EDIL3: variants seen among roughly 807,000 people sequenced by gnomAD.
The protein encoded by EDIL3 is EGF like and discoidin domains 3, also known as EGF-like repeat and discoidin I-like domain-containing protein 3.
In EDIL3, 37 loss-of-function variants were observed where a neutral mutation model predicts 67.4. That is an observed-to-expected ratio of 0.55 (90% confidence interval 0.42 to 0.72). EDIL3 has a LOEUF of 0.72. Among genes scored for constraint, EDIL3 ranks in the 30% least tolerant of loss-of-function variants. The pLI is 0.00. For missense variants in EDIL3, 527 were observed against 586.3 expected (o/e 0.90, Z 1.04); for synonymous variants, 195 against 196.3 (o/e 0.99, Z 0.05).
At chr5:84,335,987 C>G (rs548991265) in intron 1 of EDIL3, among the ~76,000 whole-genome samples, 8 of 152,210 alleles carry the variant, frequency 5.3e-5, no homozygotes, top group Non-Finnish European at 1.2e-4. Context: ...CCTCACACCT[C>G]TTTCACAAGA....
chr5:84,078,392 A>T (rs1746902871), intron 6 of EDIL3, among the ~76,000 whole-genome samples: 2 of 152,204 alleles, frequency 1.3e-5, no homozygotes, highest in South Asian at 4.1e-4. Context: ...AAACATAAGA[A>T]TATGTGAAAA....
At chr5:84,377,095 G>T (rs886227755) in intron 1 of EDIL3, among the ~76,000 whole-genome samples, 1 of 152,192 alleles carries the variant, frequency 6.6e-6, no homozygotes, top group Non-Finnish European at 1.5e-5. Flanking sequence ...GGGAGGCCAA[G>T]GCGGGTGGAT....
intron 2 of EDIL3, among the ~76,000 whole-genome samples, chr5:84,238,957 A>C (rs1744737451): frequency 1.3e-5 from 2 of 152,074 alleles, no homozygotes; most frequent in South Asian, 4.1e-4. Flanking sequence ...TCTTGAATGC[A>C]AACTATTAAT....
At position 84,106,780 on chromosome 5, in the gene EDIL3, T is replaced by C. The variant is rs763147971; in HGVS notation, c.520A>G (p.Ile174Val). 1 of 1,612,982 alleles carries C rather than the reference T, an allele frequency of 6.2e-7. No homozygotes were observed. Among genetic ancestry groups the C allele is most frequent in the South Asian group, 1.1e-5 (1 of 90,962 alleles). ...GCTCGGTGAGTAGAGGAAGCTGTGA[T>C]TTGCTGGTTTGATATAATTCCACCT... Reference protein sequence around the residue: ...IEGGIISNQQITASSTHRALF... With the variant: ...IEGGIISNQQVTASSTHRALF... Residue 174 changes from isoleucine to valine, a missense_variant, in exon 6 of 11, where the codon ATC (isoleucine) becomes GTC (valine). This residue lies in a region of EDIL3 where 494 missense variants were observed against 522.5 expected (regional missense o/e 0.95). Coordinates refer to ENST00000296591, the MANE Select transcript of EDIL3 (RefSeq NM_005711.5).
At chr5:84,281,397 C>T (rs146460881) in intron 1 of EDIL3, among the ~76,000 whole-genome samples, 77 of 152,250 alleles carry the variant, frequency 5.1e-4, no homozygotes, top group African/African-American at 1.6e-3. Context: ...CTTTTGCAAC[C>T]CACATTCCCT....
At chr5:84,119,772 G>C (rs1747738224) in intron 5 of EDIL3, among the ~76,000 whole-genome samples, 1 of 151,950 alleles carries the variant, frequency 6.6e-6, no homozygotes, top group African/African-American at 2.4e-5. Flanking sequence ...CCTGCTGGCA[G>C]TTTTGTTGGA....
chr5:84,325,055 T>A (rs932724855), intron 1 of EDIL3, among the ~76,000 whole-genome samples: 21 of 151,794 alleles, frequency 1.4e-4, no homozygotes, highest in African/African-American at 5.1e-4. Context: ...TAGAAAAGCT[T>A]CACAACATTG....
intron 4 of EDIL3, among the ~76,000 whole-genome samples, chr5:84,179,370 AG>A (rs1748975682): frequency 6.6e-6 from 1 of 152,162 alleles, no homozygotes; most frequent in South Asian, 2.1e-4. Flanking sequence ...GACAATTCCA[AG>A]TAGTTTAGAT....
intron 1 of EDIL3, among the ~76,000 whole-genome samples, chr5:84,305,651 G>A (rs925758098): frequency 2.6e-5 from 4 of 152,136 alleles, no homozygotes; most frequent in Admixed American, 6.5e-5. Context: ...AGGCCAAGAC[G>A]CGCGGCTCAC....
intron 3 of EDIL3, among the ~76,000 whole-genome samples, chr5:84,213,912 G>T (rs1744177217): frequency 6.6e-6 from 1 of 152,134 alleles, no homozygotes; most frequent in Non-Finnish European, 1.5e-5. Flanking sequence ...ATTGCATAAA[G>T]AAATTGCAGG....
rs561957197 is a variant in EDIL3, at chr5:84,171,407, G to A, written c.355+8986C>T. On this transcript the variant is annotated intron_variant, in intron 4 of 10. Coordinates refer to ENST00000296591, the MANE Select transcript of EDIL3 (RefSeq NM_005711.5). ...TGACAGTGGTCTTTGTTGGTTTCCA[G>A]CCAAAGGAGAAAAACAAGAAAATAA... Among the ~76,000 whole-genome samples the A allele has an allele frequency of 9.9e-5, 15 of 152,218 alleles. 1 individual carries two copies. The East Asian group carries it at 2.9e-3, about 29-fold the overall frequency.
intron 9 of EDIL3, among the ~76,000 whole-genome samples, chr5:83,965,713 C>A (rs995618743): frequency 7.2e-5 from 11 of 152,004 alleles, no homozygotes; most frequent in African/African-American, 2.4e-4. Flanking sequence ...TGTCTTGGCA[C>A]TTTCCAACAG....
intron 1 of EDIL3, among the ~76,000 whole-genome samples, chr5:84,298,220 G>A (rs1746089304): frequency 6.6e-6 from 1 of 151,960 alleles, no homozygotes; most frequent in Admixed American, 6.6e-5. Context: ...GCAAAGACAT[G>A]GAATCAACCC....
intron 1 of EDIL3, among the ~76,000 whole-genome samples, chr5:84,374,983 CT>C (rs914238866): frequency 9.2e-6 from 1 of 109,138 alleles, no homozygotes; most frequent in African/African-American, 3.4e-5. Context: ...TTTTTTTTTT[CT>C]TTTTTTCAGA....
At chr5:84,105,813 C>T (rs760981397) in intron 6 of EDIL3, among the ~76,000 whole-genome samples, 9 of 152,090 alleles carry the variant, frequency 5.9e-5, no homozygotes, top group Non-Finnish European at 1.2e-4. Flanking sequence ...TCAGTCTCTA[C>T]TGAAAGCCAT....
chr5:84,147,620 A>T (rs1462513876), intron 4 of EDIL3, among the ~76,000 whole-genome samples: 1 of 152,110 alleles, frequency 6.6e-6, no homozygotes, highest in Non-Finnish European at 1.5e-5. Flanking sequence ...TAACACCAAT[A>T]AATCTTTTTA....
At chr5:84,354,048 A>T (rs1339601806) in intron 1 of EDIL3, among the ~76,000 whole-genome samples, 1 of 152,246 alleles carries the variant, frequency 6.6e-6, no homozygotes, top group Non-Finnish European at 1.5e-5. Context: ...TGTGGAAAAC[A>T]AATACTTATG....
At chr5:84,108,173 A>G (rs1216371787) in intron 5 of EDIL3, among the ~76,000 whole-genome samples, 2 of 151,880 alleles carry the variant, frequency 1.3e-5, no homozygotes, top group African/African-American at 4.8e-5. Flanking sequence ...ATTAGGAGCC[A>G]AATTATAATA....
At chr5:84,106,872 A>C in intron 5 of EDIL3, 42 bp from the exon 6 acceptor site, 2 of 1,557,064 alleles carry the variant, frequency 1.3e-6, no homozygotes. Flanking sequence ...TATTAGAAAC[A>C]ATGCATATAC....
Sources: allele counts gnomAD v4.1 joint callset (sites outside exome capture counted in the v4.1 genomes callset), GRCh38; gene constraint gnomAD v4.1.1; regional missense constraint gnomAD v4.1.1; transcripts MANE v1.5; gene names NCBI Gene and HGNC (gene_info 2026-07-23, HGNC 2026-07-21).